Variants in EPB41 observed in about 807,000 individuals in gnomAD.
EPB41 encodes erythrocyte membrane protein band 4.1.
EPB41 carries 65 observed loss-of-function variants against 108.0 expected under a neutral mutation model. That is an observed-to-expected ratio of 0.60 (90% CI 0.49 to 0.74). The LOEUF is 0.74. Among genes scored for constraint, EPB41 ranks in the 30% least tolerant of loss-of-function variants. The pLI is 0.00. For missense variants in EPB41, 875 were observed against 1,037.0 expected (o/e 0.84, Z 2.15); for synonymous variants, 336 against 358.9 (o/e 0.94, Z 0.72).
Position 29,118,524 on chromosome 1 carries a change from T to C in EPB41, c.*1712T>C, listed in dbSNP as rs1671350593. The C allele has an allele frequency of 6.6e-6, 1 of 152,232 alleles. No individual in the cohort carries two copies. Among genetic ancestry groups the C allele is most frequent in the South Asian group, 2.1e-4 (1 of 4,826 alleles). The allele number at this position is 152,232 out of a possible 1,614,324, so 9.4% of individuals were successfully genotyped here. ...AGCTTCCTAAAATAGACAGTGGGTA[T>C]CGGGCAGCAGTCACTGGGGCTCAAG... On this transcript the variant is annotated 3_prime_UTR_variant, in exon 21 of 21. Transcript: ENST00000343067.
At chr1:28,911,094 T>G, upstream of EPB41, 1 of 985,382 alleles carries the variant, frequency 1.0e-6, no homozygotes, top group Non-Finnish European at 1.2e-6. Flanking sequence ...AGAGGGCAGA[T>G]GGGCCCAGGA....
Position 29,115,737 on chromosome 1 carries a change from C to T in EPB41, c.2535C>T (p.His845=), listed in dbSNP as rs1216498616. ...CCATCAAGGAGGCAAAGGAGCAGCA[C>T]CCAGACATGTCAGTGACCAAGGTGG... is the stretch of plus-strand genomic sequence containing the variant. ...VQAIKEAKEQ[H]PDMSVTKVVV... The change falls in exon 20 of 21, where the codon CAC becomes CAT. Residue 845 remains histidine (H), a synonymous_variant. Transcript: ENST00000343067. This position sits in a 1 kb window ranked among gnomAD's most constrained non-coding sequence, Gnocchi z 4.4. 3 of 1,614,128 alleles carry T rather than the reference C, an allele frequency of 1.9e-6. No homozygotes were observed. In the East Asian group the frequency reaches 6.7e-5, roughly 36 times the overall value.
chr1:28,997,935 C>T (rs527545199), intron 4 of EPB41, among the ~76,000 whole-genome samples: 1 of 152,180 alleles, frequency 6.6e-6, no homozygotes, highest in South Asian at 2.1e-4. Flanking sequence ...TAATTATTTC[C>T]TGGGCCAATT....
At chr1:28,903,376 G>C (rs1263434041) in intron 1 of EPB41, among the ~76,000 whole-genome samples, 1 of 149,068 alleles carries the variant, frequency 6.7e-6, no homozygotes, top group African/African-American at 2.5e-5. Context: ...CCAGGCTGGA[G>C]TGCAGTGGTG....
chr1:28,929,032 A>G (rs535183168), intron 1 of EPB41, among the ~76,000 whole-genome samples: 1 of 152,316 alleles, frequency 6.6e-6, no homozygotes, highest in African/African-American at 2.4e-5. Flanking sequence ...AACATTTAAC[A>G]TGATATACCT....
At chr1:28,941,205 C>CA (rs112593604) in intron 1 of EPB41, among the ~76,000 whole-genome samples, 2,809 of 128,462 alleles carry the variant, frequency 0.022, 50 homozygotes, top group African/African-American at 0.062. Flanking sequence ...CTGTCTCTAC[C>CA]AAAAAAAAAA....
intron 3 of EPB41, among the ~76,000 whole-genome samples, chr1:28,994,147 T>G (rs2096098155): frequency 6.6e-6 from 1 of 152,058 alleles, no homozygotes; most frequent in Non-Finnish European, 1.5e-5. Context: ...TTTTTGCTCC[T>G]TCAGGACAAG....
At chr1:29,097,362 AG>A (rs1368243744) in intron 16 of EPB41, 2 of 182,988 alleles carry the variant, frequency 1.1e-5, no homozygotes, top group Non-Finnish European at 1.2e-5. Context: ...AATGAATTCG[AG>A]GGTAATGCAT....
At chr1:29,044,455 G>A (rs1642548940) in intron 11 of EPB41, among the ~76,000 whole-genome samples, 1 of 152,152 alleles carries the variant, frequency 6.6e-6, no homozygotes, top group Non-Finnish European at 1.5e-5. Flanking sequence ...CATCTTGACT[G>A]CCTTATTACA....
chr1:28,917,645 A>G (rs570361954), intron 1 of EPB41, among the ~76,000 whole-genome samples: 1 of 151,592 alleles, frequency 6.6e-6, no homozygotes, highest in Non-Finnish European at 1.5e-5. Context: ...CAGTGGCATG[A>G]TCCTGGCTCA....
chr1:28,959,986 C>CT (rs1004334385), intron 1 of EPB41, among the ~76,000 whole-genome samples: 30 of 144,696 alleles, frequency 2.1e-4, no homozygotes, highest in Non-Finnish European at 3.5e-4. Context: ...GAGGCCCTTT[C>CT]TTTTTTTTTC....
At chr1:29,086,059 A>G (rs928923191) in intron 16 of EPB41, among the ~76,000 whole-genome samples, 2 of 152,178 alleles carry the variant, frequency 1.3e-5, no homozygotes, top group African/African-American at 2.4e-5. Context: ...CACTTTCTGC[A>G]TAAATTGTTT....
In EPB41 at chr1:29,115,800, T is replaced by A. The variant is rs1323326949; in HGVS notation, c.*3T>A. ...AGACCGAGATTGCTGATGAGTGAGC[T>A]CAGGTACTGGGCGTTCCTGCTGGGG... is the stretch of plus-strand genomic sequence containing the variant. On this transcript the variant is annotated 3_prime_UTR_variant, in exon 20 of 21. Coordinates refer to ENST00000343067, the MANE Select transcript of EPB41 (RefSeq NM_001376013.1). The surrounding 1 kb of genome is among the most constrained non-coding windows in gnomAD (Gnocchi z 4.4). 2 of 1,613,066 alleles carry A rather than the reference T, an allele frequency of 1.2e-6. No homozygotes were observed. Among genetic ancestry groups the A allele is most frequent in the Non-Finnish European group, 1.7e-6 (2 of 1,179,178 alleles).
chr1:29,053,597 T>C (rs992006951), intron 12 of EPB41: 2 of 302,390 alleles, frequency 6.6e-6, no homozygotes, highest in African/African-American at 2.2e-5. Flanking sequence ...TCTCGCTCTG[T>C]CACCCAGGCT....
chr1:29,107,353 C>T (rs1054555225), intron 17 of EPB41, among the ~76,000 whole-genome samples: 6 of 152,040 alleles, frequency 3.9e-5, no homozygotes, highest in African/African-American at 1.4e-4. Flanking sequence ...GTTCAAACAC[C>T]CATTAGAGTC....
intron 1 of EPB41, among the ~76,000 whole-genome samples, chr1:28,943,863 A>G (rs1422921480): frequency 6.6e-6 from 1 of 152,218 alleles, no homozygotes; most frequent in African/African-American, 2.4e-5. Flanking sequence ...ACTGCTGGAT[A>G]TATACCCAAT....
intron 1 of EPB41, among the ~76,000 whole-genome samples, chr1:28,935,027 G>T (rs1165571803): frequency 6.6e-6 from 1 of 151,820 alleles, no homozygotes; most frequent in Non-Finnish European, 1.5e-5. Flanking sequence ...AGGGAGGATC[G>T]CTGGAGCTTG....
At chr1:28,972,337 T>C (rs2095514395) in intron 1 of EPB41, among the ~76,000 whole-genome samples, 1 of 152,238 alleles carries the variant, frequency 6.6e-6, no homozygotes, top group Non-Finnish European at 1.5e-5. Context: ...TAGTGTATTT[T>C]CTGGGAGGGC....
intron 4 of EPB41, among the ~76,000 whole-genome samples, chr1:29,003,563 C>A (rs142150375): frequency 7.4e-4 from 113 of 152,132 alleles, no homozygotes; most frequent in African/African-American, 2.5e-3. Context: ...CTGTTCTTTC[C>A]ATTCTCTGGT....
Sources: allele counts gnomAD v4.1 joint callset (sites outside exome capture counted in the v4.1 genomes callset), GRCh38; gene constraint gnomAD v4.1.1; non-coding constraint Gnocchi (gnomAD v3.1); transcripts MANE v1.5; gene names NCBI Gene and HGNC (gene_info 2026-07-23, HGNC 2026-07-21).